The following DRC4 variants were observed in gnomAD, a reference collection of about 807,000 sequenced individuals.
DRC4 encodes the protein dynein regulatory complex subunit 4.
At chr16:90,023,804 C>T in the DRC4 span, among the ~76,000 whole-genome samples, 1 of 150,478 alleles carries the variant, frequency 6.6e-6, no homozygotes, top group Non-Finnish European at 1.5e-5. Flanking sequence ...CCATCCTGGC[C>T]AACATGGTGA....
At chr16:90,044,939 T>TGAAC in the DRC4 span, 1 of 198,708 alleles carries the variant, frequency 5.0e-6, no homozygotes, top group Non-Finnish European at 1.0e-5. Context: ...GTTTAAAAAC[T>TGAAC]TATAAAGTGG....
the DRC4 span, chr16:90,027,854 G>C: frequency 1.3e-6 from 1 of 786,062 alleles, no homozygotes; most frequent in African/African-American, 1.7e-5. Context: ...CCCCCGCGTG[G>C]CCCATAATTC....
At chr16:90,031,339 G>A in the DRC4 span, 168 of 1,613,338 alleles carry the variant, frequency 1.0e-4, no homozygotes, top group Non-Finnish European at 1.1e-4. Context: ...GAGCTGGACC[G>A]CGAGCGGGAG....
At chr16:90,035,247 G>T in the DRC4 span, among the ~76,000 whole-genome samples, 1 of 152,138 alleles carries the variant, frequency 6.6e-6, no homozygotes, top group Admixed American at 6.6e-5. Flanking sequence ...TGCTTAGGCT[G>T]CCCTTGAACT....
the DRC4 span, chr16:90,036,730 A>T: frequency 2.6e-6 from 2 of 773,154 alleles, no homozygotes; most frequent in Non-Finnish European, 4.5e-6. Context: ...CCCCTCTCAT[A>T]TCCTTAACTG....
chr16:90,022,366 C>T, the DRC4 span, among the ~76,000 whole-genome samples: 2 of 152,168 alleles, frequency 1.3e-5, no homozygotes, highest in African/African-American at 4.8e-5. Context: ...CTTCAATGGT[C>T]CTTCATCAGC....
the DRC4 span, among the ~76,000 whole-genome samples, chr16:90,042,044 T>G: frequency 6.6e-6 from 1 of 151,966 alleles, no homozygotes; most frequent in African/African-American, 2.4e-5. Flanking sequence ...TTCAAGCAAT[T>G]CTCATGCCTC....
chr16:90,030,109 A>G, the DRC4 span, among the ~76,000 whole-genome samples: 1 of 152,078 alleles, frequency 6.6e-6, no homozygotes, highest in East Asian at 1.9e-4. Flanking sequence ...AGCCTGTCCT[A>G]CATTTTTTTT....
At chr16:90,022,525 C>T in the DRC4 span, 2 of 503,052 alleles carry the variant, frequency 4.0e-6, no homozygotes, top group African/African-American at 4.0e-5. Flanking sequence ...ATTTTCCCAA[C>T]GTTCACAACC....
the DRC4 span, chr16:90,040,445 A>G: frequency 2.5e-6 from 4 of 1,611,648 alleles, no homozygotes; most frequent in African/African-American, 1.3e-5. Context: ...GTGCAGTTCA[A>G]CGAGGTCCTG....
At chr16:90,037,698 G>A in the DRC4 span, 20 of 1,486,090 alleles carry the variant, frequency 1.3e-5, no homozygotes, top group African/African-American at 1.4e-5. Flanking sequence ...CCAGGAGCCC[G>A]TGTTACTTGG....
the DRC4 span, chr16:90,043,852 G>T: frequency 2.1e-6 from 1 of 465,982 alleles, no homozygotes; most frequent in Non-Finnish European, 4.5e-6. Flanking sequence ...TCTGTTGAGG[G>T]CTGGGTGGGT....
the DRC4 span, chr16:90,032,976 C>T: frequency 6.7e-7 from 1 of 1,488,408 alleles, no homozygotes; most frequent in Non-Finnish European, 9.3e-7. Context: ...GACGGCAAGC[C>T]TAGTGCTGCA....
At chr16:90,044,701 G>C in the DRC4 span, 1 of 442,030 alleles carries the variant, frequency 2.3e-6, no homozygotes. Flanking sequence ...ATCCCAGTGG[G>C]CCTCAGACAC....
At chr16:90,034,494 C>T in the DRC4 span, among the ~76,000 whole-genome samples, 2 of 151,974 alleles carry the variant, frequency 1.3e-5, no homozygotes, top group Non-Finnish European at 2.9e-5. Flanking sequence ...TGGTGGCGCA[C>T]ACCTATAATC....
At chr16:90,029,168 G>T in the DRC4 span, 1 of 1,351,318 alleles carries the variant, frequency 7.4e-7, no homozygotes, top group Non-Finnish European at 9.9e-7. Flanking sequence ...CAGGCTACGG[G>T]GCAGCTTACG....
At chr16:90,036,270 G>C in the DRC4 span, 1 of 924,526 alleles carries the variant, frequency 1.1e-6, no homozygotes, top group African/African-American at 1.7e-5. Flanking sequence ...TGCCTGCAAG[G>C]CTGTTCTGAC....
At chr16:90,028,952 C>T in the DRC4 span, 2 of 1,303,046 alleles carry the variant, frequency 1.5e-6, no homozygotes, top group Non-Finnish European at 2.0e-6. Flanking sequence ...AAACCATTGG[C>T]AGTTTAAGCC....
At chr16:90,040,082 T>C in the DRC4 span, 2 of 596,756 alleles carry the variant, frequency 3.4e-6, no homozygotes, top group Non-Finnish European at 6.0e-6. Flanking sequence ...GAAGGGCTTA[T>C]GCTGATGTGT....
Sources: gnomAD v4.1 joint callset for allele counts (sites outside exome capture counted in the v4.1 genomes callset) on GRCh38, gnomAD v4.1.1 for gene constraint, MANE v1.5 for transcripts, NCBI Gene and HGNC (gene_info 2026-07-23, HGNC 2026-07-21) for gene names.